The following TTC29 variants were observed in gnomAD, a reference collection of about 807,000 sequenced individuals.
TTC29 encodes the protein tetratricopeptide repeat protein 29.
TTC29 carries 49 observed loss-of-function variants against 58.1 expected under a neutral mutation model. That is an observed-to-expected ratio of 0.84 (90% CI 0.67 to 1.07). The LOEUF is 1.07. Ranked by LOEUF, TTC29 falls within the 50% of genes least tolerant of loss-of-function variation. The pLI is 0.00. For missense variants in TTC29, 582 were observed against 555.6 expected, an observed-to-expected ratio of 1.05 and a Z score of -0.48; for synonymous variants, 209 against 196.8, an observed-to-expected ratio of 1.06 and a Z score of -0.52.
chr4:146,762,932 T>C (rs1375027476), intron 11 of TTC29, among the ~76,000 whole-genome samples: 1 of 152,094 alleles, frequency 6.6e-6, no homozygotes, highest in Non-Finnish European at 1.5e-5. Flanking sequence ...CTGCAATTGT[T>C]TAGCTAACAT....
intron 8 of TTC29, among the ~76,000 whole-genome samples, chr4:146,854,548 C>T (rs541110154): frequency 7.3e-4 from 111 of 152,226 alleles, no homozygotes; most frequent in Middle Eastern, 6.8e-3. Flanking sequence ...ATAAATTTTT[C>T]TCCTTCATCC....
intron 4 of TTC29, among the ~76,000 whole-genome samples, chr4:146,913,348 C>T (rs1734017563): frequency 6.6e-6 from 1 of 152,184 alleles, no homozygotes; most frequent in Non-Finnish European, 1.5e-5. Flanking sequence ...AAAAATCACT[C>T]TGGGCCTCAT....
chr4:146,779,866 T>C (rs1046730802), intron 11 of TTC29, among the ~76,000 whole-genome samples: 4 of 152,174 alleles, frequency 2.6e-5, no homozygotes, highest in African/African-American at 9.6e-5. Context: ...CCACCAGCTA[T>C]TTCCACTGCT....
At chr4:146,943,565 T>C (rs992680535) in intron 2 of TTC29, among the ~76,000 whole-genome samples, 1 of 152,196 alleles carries the variant, frequency 6.6e-6, no homozygotes, top group African/African-American at 2.4e-5. Context: ...CCTATGCCCA[T>C]CGGGAAAGTG....
intron 8 of TTC29, among the ~76,000 whole-genome samples, chr4:146,836,373 T>C (rs899460916): frequency 8.5e-5 from 13 of 152,104 alleles, no homozygotes; most frequent in African/African-American, 3.1e-4. Flanking sequence ...AGGGAAAATG[T>C]CAATCACATG....
chr4:146,721,475 G>T (rs1053106392), intron 11 of TTC29, among the ~76,000 whole-genome samples: 4 of 152,134 alleles, frequency 2.6e-5, no homozygotes, highest in South Asian at 2.1e-4. Context: ...TAATATATTT[G>T]TCCCTGTATC....
chr4:146,802,381 G>T (rs1026184187), intron 11 of TTC29, among the ~76,000 whole-genome samples: 3 of 152,192 alleles, frequency 2.0e-5, no homozygotes, highest in African/African-American at 4.8e-5. Context: ...TATTTTGGGG[G>T]TGTTTGAACA....
At chr4:146,910,638 G>T (rs963186561) in intron 4 of TTC29, among the ~76,000 whole-genome samples, 1 of 152,104 alleles carries the variant, frequency 6.6e-6, no homozygotes, top group Non-Finnish European at 1.5e-5. Flanking sequence ...TTGGAGATCA[G>T]AGTCAGGGAA....
intron 11 of TTC29, among the ~76,000 whole-genome samples, chr4:146,724,659 G>A (rs1414160024): frequency 2.0e-5 from 3 of 151,802 alleles, no homozygotes; most frequent in Non-Finnish European, 4.4e-5. Flanking sequence ...GATTACAGGT[G>A]CCCACCACCA....
intron 10 of TTC29, among the ~76,000 whole-genome samples, chr4:146,814,385 C>G (rs1313270158): frequency 6.8e-6 from 1 of 146,972 alleles, no homozygotes; most frequent in African/African-American, 2.5e-5. Context: ...AGTTCAAGAC[C>G]AGCCTGAGCA....
At chr4:146,740,939 T>C (rs770580151) in intron 11 of TTC29, among the ~76,000 whole-genome samples, 1 of 151,990 alleles carries the variant, frequency 6.6e-6, no homozygotes, top group Admixed American at 6.6e-5. Flanking sequence ...CATGTGCTGG[T>C]TCAAACTCCT....
At chr4:146,733,306 T>C (rs1744479727) in intron 11 of TTC29, among the ~76,000 whole-genome samples, 1 of 152,170 alleles carries the variant, frequency 6.6e-6, no homozygotes, top group Admixed American at 6.6e-5. Context: ...AGACATTACA[T>C]GCTAAAGAAT....
At chr4:146,944,428 G>A (rs982802261) in intron 2 of TTC29, 1 of 152,214 alleles carries the variant, frequency 6.6e-6, no homozygotes, top group Non-Finnish European at 1.5e-5. Context: ...GTGTCCCATG[G>A]TGTGAGCTTA....
chr4:146,719,772 T>C (rs1743222794), intron 11 of TTC29, among the ~76,000 whole-genome samples: 1 of 152,174 alleles, frequency 6.6e-6, no homozygotes, highest in Non-Finnish European at 1.5e-5. Context: ...ATGTAAGTTG[T>C]TGTCTTTATT....
chr4:146,901,159 T>C (rs1400267416), intron 6 of TTC29, among the ~76,000 whole-genome samples: 1 of 152,186 alleles, frequency 6.6e-6, no homozygotes, highest in Non-Finnish European at 1.5e-5. Context: ...AACTTAACCC[T>C]TTTGTACAGT....
At chr4:146,835,108 T>TA (rs1370188065) in intron 8 of TTC29, among the ~76,000 whole-genome samples, 1 of 152,304 alleles carries the variant, frequency 6.6e-6, no homozygotes, top group African/African-American at 2.4e-5. Context: ...GTGAGAATGT[T>TA]AAAAATGTAT....
At chr4:146,936,168 G>T (rs1056496134) in intron 4 of TTC29, among the ~76,000 whole-genome samples, 6 of 152,140 alleles carry the variant, frequency 3.9e-5, no homozygotes, top group Non-Finnish European at 8.8e-5. Flanking sequence ...GTGTAATGAT[G>T]AATTTGAAAT....
chr4:146,937,787 T>C lies in TTC29; in HGVS notation c.93-110A>G, dbSNP rs937006126. ...GAAATATTCAGGGTATAATACCATA[T>C]GTAATAAACGCAATAGCTATAGAGT... is the stretch of plus-strand genomic sequence containing the variant. On this transcript the variant is annotated intron_variant, in intron 3 of 12. Coordinates refer to ENST00000325106, the MANE Select transcript of TTC29 (RefSeq NM_031956.4). The C allele has an allele frequency of 1.2e-5, 7 of 572,412 alleles. No individual in the cohort carries two copies. In the African/African-American group the frequency reaches 1.4e-4, roughly 11 times the overall value. The allele number at this position is 572,412 out of a possible 1,614,324, so 35.5% of individuals were successfully genotyped here.
chr4:146,798,846 C>T (rs1041511804), intron 11 of TTC29, among the ~76,000 whole-genome samples: 11 of 137,102 alleles, frequency 8.0e-5, no homozygotes, highest in African/African-American at 2.7e-4. Flanking sequence ...GAGATTGCAC[C>T]GCTGCACTCT....
Sources: allele counts gnomAD v4.1 joint callset (sites outside exome capture counted in the v4.1 genomes callset), GRCh38; gene constraint gnomAD v4.1.1; transcripts MANE v1.5; gene names NCBI Gene and HGNC (gene_info 2026-07-23, HGNC 2026-07-21).